The following ITGA8 variants were observed in gnomAD, a reference collection of about 807,000 sequenced individuals.
ITGA8 encodes integrin alpha-8.
Under a neutral mutation model 142.3 loss-of-function variants are expected in ITGA8, and 91 were observed. The observed-to-expected ratio is 0.64, with a 90% CI of 0.54 to 0.76. The LOEUF (loss-of-function observed/expected upper bound fraction) is 0.76. Ranked by LOEUF, ITGA8 falls within the 30% of genes least tolerant of loss-of-function variation. The pLI is 0.00. For synonymous variants in ITGA8, 505 were observed against 485.2 expected (o/e 1.04, Z -0.54); for missense variants, 1,406 against 1,327.7 (o/e 1.06, Z -0.92).
intron 13 of ITGA8, among the ~76,000 whole-genome samples, chr10:15,621,347 AG>A (rs1477178675): frequency 6.6e-6 from 1 of 152,198 alleles, no homozygotes; most frequent in Non-Finnish European, 1.5e-5. Flanking sequence ...GGAAACAAAA[AG>A]GGGACATTGG....
intron 8 of ITGA8, among the ~76,000 whole-genome samples, chr10:15,669,795 C>T (rs1220080868): frequency 6.6e-6 from 1 of 152,180 alleles, no homozygotes; most frequent in Non-Finnish European, 1.5e-5. Flanking sequence ...CCCTGTTTTC[C>T]TGGGTATCAG....
intron 13 of ITGA8, among the ~76,000 whole-genome samples, chr10:15,640,852 C>T (rs940493978): frequency 2.6e-5 from 4 of 152,148 alleles, no homozygotes; most frequent in Non-Finnish European, 5.9e-5. Context: ...AAATTTTGAG[C>T]AGAGGTCACT....
At chr10:15,546,649 C>T (rs539159160) in intron 27 of ITGA8, among the ~76,000 whole-genome samples, 2 of 148,878 alleles carry the variant, frequency 1.3e-5, no homozygotes, top group Non-Finnish European at 3.0e-5. Flanking sequence ...GTTAATAGTG[C>T]AGAGATTGAG....
chr10:15,517,107 T>C lies in ITGA8; in HGVS notation c.*51A>G. 1 of 1,353,790 alleles carries C rather than the reference T, an allele frequency of 7.4e-7. No individual in the cohort carries two copies. The highest frequency in any genetic ancestry group is 1.0e-6 in the Non-Finnish European group (1 of 966,838). The allele number at this position is 1,353,790 out of a possible 1,614,324, so 83.9% of individuals were successfully genotyped here. On this transcript the variant is annotated 3_prime_UTR_variant, in exon 30 of 30. Coordinates refer to ENST00000378076, the MANE Select transcript of ITGA8 (RefSeq NM_003638.3). Reference sequence around the variant, plus strand: ...TTTTAACCCTCATGTTCTTTCTTTTTCTTTGAACAGGACCAGTGTTTGAGG... The same window carrying C: ...TTTTAACCCTCATGTTCTTTCTTTTCCTTTGAACAGGACCAGTGTTTGAGG...
chr10:15,701,533 G>C (rs1213008477), intron 2 of ITGA8, among the ~76,000 whole-genome samples: 1 of 152,054 alleles, frequency 6.6e-6, no homozygotes, highest in African/African-American at 2.4e-5. Flanking sequence ...CAGGAGTGAG[G>C]GGATGTGGAA....
At chr10:15,667,026 G>A (rs1466589838) in intron 8 of ITGA8, among the ~76,000 whole-genome samples, 3 of 152,160 alleles carry the variant, frequency 2.0e-5, no homozygotes, top group East Asian at 1.9e-4. Flanking sequence ...GATGATGCTG[G>A]CCTCATAAAA....
intron 13 of ITGA8, among the ~76,000 whole-genome samples, chr10:15,624,439 G>C (rs1404195233): frequency 6.6e-6 from 1 of 152,202 alleles, no homozygotes; most frequent in Non-Finnish European, 1.5e-5. Context: ...TGGGCACTTT[G>C]ATGTACAATC....
intron 2 of ITGA8, among the ~76,000 whole-genome samples, chr10:15,710,339 G>A (rs1588744287): frequency 6.6e-6 from 1 of 152,014 alleles, no homozygotes; most frequent in Admixed American, 6.6e-5. Context: ...ATATTTAATT[G>A]TGTGCTTTTA....
intron 17 of ITGA8, among the ~76,000 whole-genome samples, chr10:15,607,372 G>A (rs977945030): frequency 6.6e-6 from 1 of 152,142 alleles, no homozygotes; most frequent in Non-Finnish European, 1.5e-5. Context: ...CATAAACTGT[G>A]TTGCACTTTT....
chr10:15,556,460 C>G (rs545584257), intron 26 of ITGA8, among the ~76,000 whole-genome samples: 1 of 152,170 alleles, frequency 6.6e-6, no homozygotes, highest in Non-Finnish European at 1.5e-5. Flanking sequence ...GCAGGAAGTA[C>G]GTGCTTGGTC....
chr10:15,556,018 C>CTTTTTTTTTTTTTTTTTTT (rs869241754), intron 26 of ITGA8, among the ~76,000 whole-genome samples: 1 of 53,630 alleles, frequency 1.9e-5, no homozygotes, highest in African/African-American at 8.6e-5. Context: ...CTCTCTCTCT[C>CTTTTTTTTTTTTTTTTTTT]TTTTTTTTTT....
chr10:15,517,346 T>C (rs1832983256), intron 29 of ITGA8, 102 bp from the exon 30 acceptor site: 1 of 673,456 alleles, frequency 1.5e-6, no homozygotes, highest in Non-Finnish European at 2.4e-6. Flanking sequence ...TTTTTTAAAC[T>C]GAGTCTCGCT....
chr10:15,546,405 T>C (rs975491637), intron 27 of ITGA8, among the ~76,000 whole-genome samples: 8 of 152,224 alleles, frequency 5.3e-5, no homozygotes, highest in African/African-American at 1.7e-4. Context: ...ATGTAAAGGT[T>C]TGATTTTTTA....
intron 2 of ITGA8, among the ~76,000 whole-genome samples, chr10:15,706,251 T>C (rs1281874116): frequency 6.6e-6 from 1 of 152,088 alleles, no homozygotes. Flanking sequence ...CTTCATCTGA[T>C]CCATAATGAT....
intron 22 of ITGA8, among the ~76,000 whole-genome samples, chr10:15,589,993 C>T (rs1466047016): frequency 2.0e-5 from 3 of 152,148 alleles, no homozygotes; most frequent in East Asian, 3.9e-4. Flanking sequence ...GAACTCCTGA[C>T]CTCAAGTGAT....
chr10:15,618,689 T>G (rs1833437982), intron 13 of ITGA8, among the ~76,000 whole-genome samples: 1 of 152,116 alleles, frequency 6.6e-6, no homozygotes, highest in Admixed American at 6.5e-5. Flanking sequence ...AAGACTAGAT[T>G]GGTTCAGTCT....
At chr10:15,533,546 A>T (rs1833355342) in intron 27 of ITGA8, among the ~76,000 whole-genome samples, 1 of 152,236 alleles carries the variant, frequency 6.6e-6, no homozygotes, top group African/African-American at 2.4e-5. Context: ...GGTAAGGATT[A>T]TAATTATATT....
At position 15,688,025 on chromosome 10, in the gene ITGA8, G is replaced by T; in HGVS notation, c.357C>A (p.Ile119=). 6.2e-7 allele frequency: 1 copy of T among 1,608,926 alleles called. No homozygotes were observed. Among genetic ancestry groups the T allele is most frequent in the Non-Finnish European group, 8.5e-7 (1 of 1,175,328 alleles). The part of the protein sequence containing the change: ...IPFDTTNNRK[I]RVNGTKEPIE... ...TAGGTTCTTTGGTTCCATTAACTCT[G>T]ATCTTTCTGTTGTCTGTCAAAGAAG... Residue 119 remains isoleucine (I), a synonymous_variant, in exon 3 of 30, where the codon ATC becomes ATA. Transcript: ENST00000378076.
intron 2 of ITGA8, among the ~76,000 whole-genome samples, chr10:15,698,373 C>T (rs1285903910): frequency 3.3e-5 from 5 of 152,166 alleles, no homozygotes; most frequent in Non-Finnish European, 1.5e-5. Context: ...TATAAACACA[C>T]ATATGCTAGT....
Sources: gnomAD v4.1 joint callset for allele counts (sites outside exome capture counted in the v4.1 genomes callset) on GRCh38, gnomAD v4.1.1 for gene constraint, MANE v1.5 for transcripts, NCBI Gene and HGNC (gene_info 2026-07-23, HGNC 2026-07-21) for gene names.